The following ASIC2 variants were observed in gnomAD, a reference collection of about 807,000 sequenced individuals.
ASIC2 encodes the protein acid sensing ion channel subunit 2, also known as acid-sensing ion channel 2.
Under a neutral mutation model 57.3 loss-of-function variants are expected in ASIC2, and 25 were observed. That is an observed-to-expected ratio of 0.44 (90% CI 0.32 to 0.61). ASIC2 has a LOEUF of 0.61. Among genes scored for constraint, ASIC2 ranks in the 20% least tolerant of loss-of-function variants. The pLI, the probability that ASIC2 is intolerant of heterozygous loss-of-function variation, is 0.06. For synonymous variants in ASIC2, 319 were observed against 307.5 expected, an observed-to-expected ratio of 1.04 and a Z score of -0.39; for missense variants, 641 against 738.1, an observed-to-expected ratio of 0.87 and a Z score of 1.52.
chr17:33,752,529 A>C (rs1364846870), intron 1 of ASIC2, among the ~76,000 whole-genome samples: 1 of 152,244 alleles, frequency 6.6e-6, no homozygotes, highest in East Asian at 1.9e-4. Flanking sequence ...AACATAAGCA[A>C]CCCAATTAAA....
intron 1 of ASIC2, among the ~76,000 whole-genome samples, chr17:33,894,262 G>A (rs190726035): frequency 6.6e-6 from 1 of 152,262 alleles, no homozygotes; most frequent in East Asian, 1.9e-4. Flanking sequence ...GATAATGGAT[G>A]GGAAAGCCTG....
At position 33,016,033 on chromosome 17, in the gene ASIC2, T is replaced by C. The variant is rs1420624192; in HGVS notation, c.1528A>G (p.Lys510Glu). 6.2e-7 allele frequency: 1 copy of C among 1,613,870 alleles called. No individual in the cohort carries two copies. The highest frequency in any genetic ancestry group is 1.1e-5 in the South Asian group (1 of 91,066). Residue 510 changes from lysine (K) to glutamate (E), a missense_variant, in exon 9 of 10, where the codon AAA becomes GAA. Physicochemically the swap from Lys to Glu is moderately conservative, Grantham distance 56. This residue lies in a region of ASIC2 where 252 missense variants were observed against 319.8 expected (regional missense o/e 0.79). Transcript: ENST00000225823. Reference protein sequence around the residue: ...ELFDYIYELIKEKLLDLLGKE... With the variant: ...ELFDYIYELIEEKLLDLLGKE... ...CCAAGCAGGTCTAATAGCTTCTCTT[T>C]GATCAGCTGCAAGAAAAGCAGGAAG... is the stretch of plus-strand genomic sequence containing the variant.
intron 1 of ASIC2, among the ~76,000 whole-genome samples, chr17:33,712,040 A>G (rs1342648991): frequency 6.6e-6 from 1 of 152,194 alleles, no homozygotes; most frequent in Admixed American, 6.5e-5. Context: ...CATACCTCCC[A>G]TGATGTAACA....
chr17:33,734,441 T>C (rs1398449495), intron 1 of ASIC2, among the ~76,000 whole-genome samples: 1 of 152,160 alleles, frequency 6.6e-6, no homozygotes, highest in East Asian at 1.9e-4. Context: ...GTATTATCCC[T>C]CACTGCCCCT....
chr17:33,216,819 G>A (rs1907506641), intron 1 of ASIC2, among the ~76,000 whole-genome samples: 1 of 152,228 alleles, frequency 6.6e-6, no homozygotes, highest in African/African-American at 2.4e-5. Flanking sequence ...TGGCTGCAGA[G>A]TGGAAGTGAG....
chr17:33,564,618 C>A (rs1916174710), intron 1 of ASIC2, among the ~76,000 whole-genome samples: 1 of 152,254 alleles, frequency 6.6e-6, no homozygotes, highest in Non-Finnish European at 1.5e-5. Context: ...GCCTGCCATG[C>A]ACACCTCGAA....
chr17:33,536,057 T>C (rs1915217707), intron 1 of ASIC2, among the ~76,000 whole-genome samples: 1 of 152,244 alleles, frequency 6.6e-6, no homozygotes, highest in Non-Finnish European at 1.5e-5. Context: ...TTTATGGAGA[T>C]AGTAGAAAAT....
chr17:33,992,895 T>A (rs1182056672), intron 1 of ASIC2, among the ~76,000 whole-genome samples: 2 of 152,174 alleles, frequency 1.3e-5, no homozygotes, highest in Non-Finnish European at 2.9e-5. Flanking sequence ...CTGAATGCTA[T>A]GTATACATGA....
intron 1 of ASIC2, among the ~76,000 whole-genome samples, chr17:33,556,104 C>A (rs959839822): frequency 1.4e-4 from 21 of 152,206 alleles, no homozygotes; most frequent in African/African-American, 4.6e-4. Flanking sequence ...CCAGCAGCTT[C>A]ATCATGAGGT....
chr17:33,390,117 G>A (rs570174631), intron 1 of ASIC2, among the ~76,000 whole-genome samples: 174 of 152,110 alleles, frequency 1.1e-3, no homozygotes, highest in African/African-American at 4.0e-3. Flanking sequence ...GTTTGAGACT[G>A]GCCTGGCTAG....
chr17:33,442,819 G>T (rs1323390941), intron 1 of ASIC2, among the ~76,000 whole-genome samples: 1 of 152,150 alleles, frequency 6.6e-6, no homozygotes, highest in Admixed American at 6.5e-5. Flanking sequence ...ATGATGTTAA[G>T]TAGGATTAAT....
chr17:33,177,485 C>A (rs1280361058), intron 1 of ASIC2, among the ~76,000 whole-genome samples: 1 of 152,140 alleles, frequency 6.6e-6, no homozygotes, highest in Non-Finnish European at 1.5e-5. Flanking sequence ...ACACAAGTCA[C>A]AATTGGTGGA....
chr17:34,039,929 C>A, intron 1 of ASIC2: 2 of 1,466,438 alleles, frequency 1.4e-6, no homozygotes, highest in African/African-American at 1.4e-5. Context: ...GGACCCCGAC[C>A]CGACCCGGCT....
intron 1 of ASIC2, among the ~76,000 whole-genome samples, chr17:33,919,304 C>T (rs1299061106): frequency 6.6e-6 from 1 of 152,166 alleles, no homozygotes. Context: ...AACCCTATTG[C>T]TGTTCACCAC....
chr17:33,616,633 C>T (rs927464679), intron 1 of ASIC2, among the ~76,000 whole-genome samples: 2 of 151,790 alleles, frequency 1.3e-5, no homozygotes, highest in South Asian at 2.1e-4. Flanking sequence ...TGGATATTGC[C>T]TGTTAATACC....
intron 1 of ASIC2, among the ~76,000 whole-genome samples, chr17:33,951,498 G>A (rs1904562783): frequency 1.3e-5 from 2 of 152,080 alleles, no homozygotes; most frequent in African/African-American, 2.4e-5. Context: ...AGAAAGCAGG[G>A]CCACTGAGAT....
chr17:33,953,101 T>C (rs546843230), intron 1 of ASIC2, among the ~76,000 whole-genome samples: 5 of 152,312 alleles, frequency 3.3e-5, no homozygotes, highest in South Asian at 2.1e-4. Flanking sequence ...CAAAACTATA[T>C]ATTTGTATGA....
chr17:33,193,708 C>T (rs1394109473), intron 1 of ASIC2, among the ~76,000 whole-genome samples: 1 of 152,158 alleles, frequency 6.6e-6, no homozygotes, highest in African/African-American at 2.4e-5. Context: ...GATGCAGATT[C>T]TAATTCAGAG....
chr17:34,148,785 A>C (rs1344448615), intron 1 of ASIC2, among the ~76,000 whole-genome samples: 1 of 152,194 alleles, frequency 6.6e-6, no homozygotes, highest in Non-Finnish European at 1.5e-5. Flanking sequence ...ACAAGCAGAA[A>C]TACTATCAAT....
Sources: gnomAD v4.1 joint callset for allele counts (sites outside exome capture counted in the v4.1 genomes callset) on GRCh38, gnomAD v4.1.1 for gene constraint, gnomAD v4.1.1 regional missense constraint, MANE v1.5 for transcripts, NCBI Gene and HGNC (gene_info 2026-07-23, HGNC 2026-07-21) for gene names.